The following ABI3BP variants were observed in gnomAD, a reference collection of about 807,000 sequenced individuals.
ABI3BP encodes the protein ABI family member 3 binding protein.
A neutral mutation model predicts 268.6 loss-of-function variants in ABI3BP; 216 were observed. The observed-to-expected ratio is 0.80, with a 90% CI of 0.72 to 0.90. The LOEUF (loss-of-function observed/expected upper bound fraction) is 0.90, where lower values mean the gene tolerates loss of function less well. Among genes scored for constraint, ABI3BP ranks in the 40% least tolerant of loss-of-function variants. ABI3BP has a pLI of 0.00. For synonymous variants in ABI3BP, 730 were observed against 730.0 expected, an observed-to-expected ratio of 1.00 and a Z score of 0.00; for missense variants, 2,090 against 2,182.4, an observed-to-expected ratio of 0.96 and a Z score of 0.84.
At chr3:100,966,683 C>A (rs1422835839) in intron 1 of ABI3BP, among the ~76,000 whole-genome samples, 2 of 152,112 alleles carry the variant, frequency 1.3e-5, no homozygotes. Context: ...GAATTTAAAA[C>A]ATGTAAAGAT....
intron 62 of ABI3BP, among the ~76,000 whole-genome samples, chr3:100,767,316 A>G (rs550740097): frequency 4.7e-4 from 72 of 152,276 alleles, no homozygotes; most frequent in African/African-American, 1.6e-3. Flanking sequence ...TTGTATGACC[A>G]TTCTTCCAAA....
chr3:100,971,601 A>G (rs1364279799), intron 1 of ABI3BP, among the ~76,000 whole-genome samples: 1 of 152,166 alleles, frequency 6.6e-6, no homozygotes, highest in East Asian at 1.9e-4. Context: ...CCCCAAAGAC[A>G]AAACGTGCTT....
intron 2 of ABI3BP, among the ~76,000 whole-genome samples, chr3:100,907,423 G>A (rs927111901): frequency 3.3e-5 from 5 of 152,156 alleles, no homozygotes; most frequent in African/African-American, 1.2e-4. Flanking sequence ...GAGCCCATGA[G>A]GCACAGGTTG....
intron 2 of ABI3BP, among the ~76,000 whole-genome samples, chr3:100,912,477 G>A (rs1400741394): frequency 6.6e-6 from 1 of 151,436 alleles, no homozygotes; most frequent in African/African-American, 2.4e-5. Context: ...GATGAAATAA[G>A]GTAATTATTT....
chr3:100,989,323 T>C (rs190945201), intron 1 of ABI3BP, among the ~76,000 whole-genome samples: 3 of 152,334 alleles, frequency 2.0e-5, no homozygotes, highest in East Asian at 3.9e-4. Context: ...GGAGCTTCAA[T>C]AATTTAATTA....
rs60261694 is a variant in ABI3BP at position 100,841,194 on chromosome 3, C to CTTTTTTTTTTTTTTTTTTTT, written c.1766-356_1766-337dup. ...AATTGGCTAAGATGGCATTAGAACA[C>CTTTTTTTTTTTTTTTTTTTT]TTTTTTTTTTTTTTTTTTTTTTTTT... On this transcript the variant is annotated intron_variant, in intron 21 of 67. Coordinates refer to ENST00000471714, the MANE Select transcript of ABI3BP (RefSeq NM_001375547.2). Among the ~76,000 whole-genome samples the CTTTTTTTTTTTTTTTTTTTT allele has an allele frequency of 8.6e-4, 34 of 39,630 alleles. 10 individuals carry two copies. Among genetic ancestry groups the CTTTTTTTTTTTTTTTTTTTT allele is most frequent in the Non-Finnish European group, 9.0e-4 (21 of 23,312 alleles). The allele number at this position is 39,630 out of a possible 152,430, so 26.0% of individuals were successfully genotyped here. A position where few individuals can be genotyped will look rare whatever the true frequency, so the allele number is the denominator to read the frequency against.
intron 1 of ABI3BP, among the ~76,000 whole-genome samples, chr3:100,946,823 T>C (rs1408920319): frequency 1.3e-5 from 2 of 151,980 alleles, no homozygotes; most frequent in African/African-American, 4.8e-5. Context: ...TGAGTTTGAA[T>C]TTGAAGCAGA....
At chr3:100,859,791 A>T (rs1330520866) in intron 14 of ABI3BP, among the ~76,000 whole-genome samples, 1 of 152,224 alleles carries the variant, frequency 6.6e-6, no homozygotes, top group African/African-American at 2.4e-5. Flanking sequence ...TGAAAAATCA[A>T]GCTTGTATTG....
chr3:100,926,259 T>G, intron 2 of ABI3BP, 43 bp downstream of exon 2: 2 of 1,598,700 alleles, frequency 1.3e-6, no homozygotes, highest in Non-Finnish European at 1.7e-6. Context: ...CCCCCCCACC[T>G]CTTACCTCCT....
At chr3:100,787,413 G>A (rs1170737250) in intron 57 of ABI3BP, among the ~76,000 whole-genome samples, 3 of 152,040 alleles carry the variant, frequency 2.0e-5, no homozygotes, top group African/African-American at 7.2e-5. Context: ...TGTAGAAAAA[G>A]CATTTTGAAA....
At position 100,787,104 on chromosome 3, in the gene ABI3BP, A is replaced by G. The variant is rs112532730; in HGVS notation, c.4162+624T>C. Among the ~76,000 whole-genome samples the G allele has an allele frequency of 6.2e-3, 943 of 152,212 alleles. 5 individuals are homozygous for G. Among genetic ancestry groups the G allele is most frequent in the Non-Finnish European group, 9.7e-3 (659 of 67,982 alleles). ...ATGTTAAGGCATCTAAATAACTACCATTTATCCATGAAGTTGGGTGTTTGA... is the reference window on the plus strand; with the variant it reads ...ATGTTAAGGCATCTAAATAACTACCGTTTATCCATGAAGTTGGGTGTTTGA... On this transcript the variant is annotated intron_variant, in intron 57 of 67. Transcript: ENST00000471714.
At chr3:100,961,120 G>A (rs1217042853) in intron 1 of ABI3BP, among the ~76,000 whole-genome samples, 3 of 152,234 alleles carry the variant, frequency 2.0e-5, no homozygotes, top group Non-Finnish European at 4.4e-5. Context: ...TAAATAGTAA[G>A]GCACAACAAA....
chr3:100,842,141 T>G (rs1242718216), intron 20 of ABI3BP, 102 bp from the exon 21 acceptor site: 4 of 956,006 alleles, frequency 4.2e-6, no homozygotes, highest in African/African-American at 3.3e-5. Context: ...CCTGGGTGAA[T>G]GATTAGGTTC....
Position 100,875,532 on chromosome 3 carries a change from C to A in ABI3BP, c.793G>T (p.Ala265Ser). ...HKDSAKSPEK[A>S]PLGGVILVHL... ...CCTAGTATCACTCCTCCCAGTGGAG[C>A]TTTTTCTGGGGATTTAGCTGAATCC... The change falls in exon 8 of 68, where the codon GCT (alanine) becomes TCT (serine). Residue 265 changes from alanine to serine, a missense_variant. By Grantham distance (99) the Ala-to-Ser change is moderately conservative. Transcript: ENST00000471714. The A allele has an allele frequency of 1.9e-6, 3 of 1,613,100 alleles. No individual in the cohort carries two copies. The highest frequency in any genetic ancestry group is 2.5e-6 in the Non-Finnish European group (3 of 1,179,096).
intron 7 of ABI3BP, 48 bp downstream of exon 7, chr3:100,876,464 A>G (rs370689046): frequency 6.7e-7 from 1 of 1,499,876 alleles, no homozygotes; most frequent in Non-Finnish European, 9.1e-7. Flanking sequence ...CTTAGCTAAA[A>G]GTATGTTAAA....
Position 100,864,964 on chromosome 3 carries a change from C to A in ABI3BP, c.989-57G>T, listed in dbSNP as rs2099035759. The A allele has an allele frequency of 5.4e-6, 7 of 1,304,044 alleles. No individual in the cohort carries two copies. The East Asian group carries it at 1.7e-4, about 31-fold the overall frequency. 80.8% of individuals were successfully genotyped at this position (1,304,044 alleles called of 1,614,324 possible). On this transcript the variant is annotated intron_variant, in intron 10 of 67. Transcript: ENST00000471714. Reference sequence around the variant, plus strand: ...AAGATAAAGTGAAGCAACCAAAGACCAGGAGACACATCCTGTTGCCTTTTA... The same window carrying A: ...AAGATAAAGTGAAGCAACCAAAGACAAGGAGACACATCCTGTTGCCTTTTA...
At chr3:100,862,727 C>A in intron 13 of ABI3BP, 111 bp downstream of exon 13, 1 of 726,740 alleles carries the variant, frequency 1.4e-6, no homozygotes. Flanking sequence ...ATTTGTTTGC[C>A]TAACTATCAG....
Position 100,820,439 on chromosome 3 carries a change from A to G in ABI3BP, c.2948-136T>C, listed in dbSNP as rs2098185495. 1.6e-5 allele frequency: 9 copies of G among 550,004 alleles called. No individual in the cohort carries two copies. In the South Asian group the frequency reaches 3.0e-4, roughly 18 times the overall value. The allele number at this position is 550,004 out of a possible 1,614,324, so 34.1% of individuals were successfully genotyped here. Reference sequence around the variant, plus strand: ...GGAAATTTGTCTTTTTAACTTTTTAATTAGAAACATTCACTATTACAATTG... The same window carrying G: ...GGAAATTTGTCTTTTTAACTTTTTAGTTAGAAACATTCACTATTACAATTG... On this transcript the variant is annotated intron_variant, in intron 39 of 67. Transcript: ENST00000471714.
chr3:100,865,601 GC>G (rs1053720728), intron 10 of ABI3BP, among the ~76,000 whole-genome samples: 3 of 152,164 alleles, frequency 2.0e-5, no homozygotes, highest in Non-Finnish European at 4.4e-5. Flanking sequence ...GAGCCAGAAA[GC>G]CCCGGAATGT....
Sources: gnomAD v4.1 joint callset for allele counts (sites outside exome capture counted in the v4.1 genomes callset) on GRCh38, gnomAD v4.1.1 for gene constraint, MANE v1.5 for transcripts, NCBI Gene and HGNC (gene_info 2026-07-23, HGNC 2026-07-21) for gene names.